The following MIDEAS variants were observed in gnomAD, a reference collection of about 807,000 sequenced individuals.
MIDEAS encodes mitotic deacetylase associated SANT domain protein, also known as mitotic deacetylase-associated SANT domain protein.
In MIDEAS, 26 loss-of-function variants were observed where a neutral mutation model predicts 102.7. That is an observed-to-expected ratio of 0.25 (90% CI 0.19 to 0.35). The LOEUF is 0.35. Among genes scored for constraint, MIDEAS ranks in the 10% least tolerant of loss-of-function variants. The pLI is 1.00. For missense variants in MIDEAS, 1,231 were observed against 1,435.6 expected (o/e 0.86, Z 2.30); for synonymous variants, 585 against 591.0 (o/e 0.99, Z 0.15).
chr14:73,725,364 T>C lies in MIDEAS; in HGVS notation c.2486-4A>G. 1 of 1,613,610 alleles carries C rather than the reference T, an allele frequency of 6.2e-7. No individual in the cohort carries two copies. Among genetic ancestry groups the C allele is most frequent in the South Asian group, 1.1e-5 (1 of 91,078 alleles). On this transcript the variant is annotated splice_region_variant and splice_polypyrimidine_tract_variant and intron_variant, in intron 8 of 12. Transcript: ENST00000423556. This position sits in a 1 kb window ranked among gnomAD's most constrained non-coding sequence, Gnocchi z 4.1. ...GCCATCTTCCACTGGTCAGAGCCTATGGGGCAAAGAGGCAGCCAGGGAGTG... is the reference window on the plus strand; with the variant it reads ...GCCATCTTCCACTGGTCAGAGCCTACGGGGCAAAGAGGCAGCCAGGGAGTG...
intron 1 of MIDEAS, among the ~76,000 whole-genome samples, chr14:73,747,163 T>C (rs552017918): frequency 6.6e-6 from 1 of 152,314 alleles, no homozygotes; most frequent in African/African-American, 2.4e-5. Context: ...CATGCTCTTA[T>C]ACCACTATCC....
intron 1 of MIDEAS, among the ~76,000 whole-genome samples, chr14:73,766,044 T>TTCCCTTCC (rs1437973631): frequency 6.6e-6 from 1 of 152,224 alleles, no homozygotes; most frequent in East Asian, 1.9e-4. Flanking sequence ...TCTACCCTGC[T>TTCCCTTCC]TCCCTTCCTC....
chr14:73,743,493 T>C (rs1329051437), intron 1 of MIDEAS, among the ~76,000 whole-genome samples: 3 of 152,144 alleles, frequency 2.0e-5, no homozygotes, highest in African/African-American at 7.2e-5. Context: ...CGGGCTCAGT[T>C]GCTGCTGGTG....
intron 10 of MIDEAS, 162 bp downstream of exon 10, chr14:73,722,533 AGAG>A (rs1342206759): frequency 3.0e-6 from 2 of 675,458 alleles, no homozygotes; most frequent in African/African-American, 1.8e-5. Context: ...AGCAGTATAG[AGAG>A]GAGAACCCAG....
chr14:73,747,573 C>T (rs774688516), intron 1 of MIDEAS, among the ~76,000 whole-genome samples: 1 of 152,130 alleles, frequency 6.6e-6, no homozygotes, highest in Non-Finnish European at 1.5e-5. Context: ...GACCCCAAAC[C>T]AGGTCTCTCT....
Position 73,719,401 on chromosome 14 carries a change from C to G in MIDEAS, c.3038G>C (p.Arg1013Pro). Residue 1013 changes from arginine to proline, a missense_variant, in exon 12 of 13, where the codon CGA becomes CCA. Transcript: ENST00000423556. Reference protein sequence around the residue: ...EKPREGTGKSRRALPFSEKKK... With the variant: ...EKPREGTGKSPRALPFSEKKK... ...CTTCTCTGAAAAAGGTAGTGCCCTT[C>G]GTGACTTCCCTGTCCCTTCCCTTGG... 6.2e-7 allele frequency: 1 copy of G among 1,614,072 alleles called. No individual in the cohort carries two copies. Among genetic ancestry groups the G allele is most frequent in the Non-Finnish European group, 8.5e-7 (1 of 1,179,986 alleles).
At chr14:73,730,154 C>G (rs2053120081) in intron 3 of MIDEAS, 169 bp from the exon 4 acceptor site, 1 of 756,290 alleles carries the variant, frequency 1.3e-6, no homozygotes. Flanking sequence ...ATCATCTCCT[C>G]TAGGGCAGAA....
intron 1 of MIDEAS, among the ~76,000 whole-genome samples, chr14:73,750,406 G>T (rs1359346997): frequency 6.6e-6 from 1 of 152,186 alleles, no homozygotes; most frequent in Non-Finnish European, 1.5e-5. Flanking sequence ...TCCAAGCACA[G>T]CATGGTCTAT....
rs568579406 is a variant in MIDEAS at position 73,758,073 on chromosome 14, C to CG, written c.-248+1689dup. Among the ~76,000 whole-genome samples, 4 of 152,192 alleles carry CG rather than the reference C, an allele frequency of 2.6e-5. No individual in the cohort carries two copies. The South Asian group carries it at 6.2e-4, about 24-fold the overall frequency. The stretch of plus-strand genomic sequence containing the variant: ...CAGGTTCTTCACCCCCTTGTCCCCC[C>CG]GGGAGCTACACGGACCAGAGTAACC... On this transcript the variant is annotated intron_variant, in intron 1 of 12. Transcript: ENST00000423556.
rs373128909 is a variant in MIDEAS at position 73,719,277 on chromosome 14, C to G, written c.3134+28G>C. ...CTCCGCGCACCAGCCCGCGGGGGTC[C>G]CAGCGGGGACAGCGCTGCCCACCTT... On this transcript the variant is annotated intron_variant, in intron 12 of 12. Transcript: ENST00000423556. 206 of 1,606,944 alleles carry G rather than the reference C, an allele frequency of 1.3e-4. No homozygotes were observed. In the African/African-American group the frequency reaches 2.5e-3, roughly 19 times the overall value.
Position 73,740,094 on chromosome 14 carries a change from T to C in MIDEAS, c.-86A>G, listed in dbSNP as rs1349380857. 8 of 1,403,494 alleles carry C rather than the reference T, an allele frequency of 5.7e-6. No individual in the cohort carries two copies. Among genetic ancestry groups the C allele is most frequent in the Non-Finnish European group, 6.5e-6 (7 of 1,079,290 alleles). 86.9% of individuals were successfully genotyped at this position (1,403,494 alleles called of 1,614,324 possible). A position where few individuals can be genotyped will look rare whatever the true frequency, so the allele number is the denominator to read the frequency against. On this transcript the variant is annotated 5_prime_UTR_variant, in exon 2 of 13. The change abolishes the stop of an existing upstream ORF in the 5' untranslated region. Transcript: ENST00000423556. Reference sequence around the variant, plus strand: ...AAACGTCCTGCTGGAAGCCGGGCTCTAGTCCAGGAGCCAGGGAGGGCAGAG... The same window carrying C: ...AAACGTCCTGCTGGAAGCCGGGCTCCAGTCCAGGAGCCAGGGAGGGCAGAG...
chr14:73,740,789 T>A (rs185370101), intron 1 of MIDEAS, among the ~76,000 whole-genome samples: 1 of 152,274 alleles, frequency 6.6e-6, no homozygotes, highest in African/African-American at 2.4e-5. Context: ...TCCAAGCACA[T>A]CTCAGGCTCG....
chr14:73,729,988 G>A lies in MIDEAS; in HGVS notation c.1750-3C>T, dbSNP rs1490012099. ...AACTTGACATTCATGTCCTCTGCCT[G>A]GAGAAGGAAAGAAAACAAGGACGGC... On this transcript the variant is annotated splice_region_variant and splice_polypyrimidine_tract_variant and intron_variant, in intron 3 of 12. Transcript: ENST00000423556. 1 of 1,603,194 alleles carries A rather than the reference G, an allele frequency of 6.2e-7. No homozygotes were observed. The highest frequency in any genetic ancestry group is 2.2e-5 in the East Asian group (1 of 44,608).
chr14:73,762,562 A>C (rs1315266559), upstream of MIDEAS, among the ~76,000 whole-genome samples: 1 of 152,228 alleles, frequency 6.6e-6, no homozygotes, highest in Non-Finnish European at 1.5e-5. Context: ...TCTACCTCAA[A>C]AAGGCGGGCA....
chr14:73,728,972 A>G (rs1193403673), intron 4 of MIDEAS: 1 of 152,304 alleles, frequency 6.6e-6, no homozygotes, highest in Non-Finnish European at 1.5e-5. Context: ...TAATTGGCCA[A>G]AGGCATCTAT....
At position 73,739,535 on chromosome 14, in the gene MIDEAS, G is replaced by A. The variant is rs2053255513; in HGVS notation, c.474C>T (p.Tyr158=). 1 of 1,614,020 alleles carries A rather than the reference G, an allele frequency of 6.2e-7. No individual in the cohort carries two copies. Among genetic ancestry groups the A allele is most frequent in the Non-Finnish European group, 8.5e-7 (1 of 1,180,008 alleles). ...SPHPGVGVPT[Y]YNHPEALKRE... ...GCTTCAGTGCCTCAGGGTGGTTATA[G>A]TAAGTCGGGACTCCCACTCCAGGAT... The change falls in exon 2 of 13, where the codon TAC becomes TAT. Residue 158 remains tyrosine (Y), a synonymous_variant. Transcript: ENST00000423556.
At chr14:73,726,996 A>G in intron 5 of MIDEAS, 24 bp from the exon 6 acceptor site, 1 of 1,570,502 alleles carries the variant, frequency 6.4e-7, no homozygotes, top group Non-Finnish European at 8.7e-7. Context: ...AAGGGCAGGA[A>G]GTGAGGCCTC....
rs192351487 is a variant in MIDEAS, at chr14:73,775,153, C to T, written c.-248+11949G>A. Among the ~76,000 whole-genome samples, 6 of 151,990 alleles carry T rather than the reference C, an allele frequency of 3.9e-5. 1 individual carries two copies. Among genetic ancestry groups the T allele is most frequent in the Admixed American group, 1.3e-4 (2 of 15,254 alleles). On this transcript the variant is annotated intron_variant, in intron 1 of 11. Coordinates refer to the MIDEAS transcript ENST00000394071. Reference sequence around the variant, plus strand: ...AGCATATAACAAGGCGAGAGAAGTGCGTCCAGGAGCAGCAAGAGGCCGGCT... The same window carrying T: ...AGCATATAACAAGGCGAGAGAAGTGTGTCCAGGAGCAGCAAGAGGCCGGCT...
In MIDEAS at chr14:73,778,195, A is replaced by C. The variant is rs139264148; in HGVS notation, c.-248+8907T>G. On this transcript the variant is annotated intron_variant, in intron 1 of 11. Transcript: ENST00000394071. ...CATAGTGCAACCCCGTTTCTACTAA[A>C]AATACAAAAATTAGCCGGGTGCGGC... Among the ~76,000 whole-genome samples the C allele has an allele frequency of 5.4e-4, 82 of 151,964 alleles. 1 individual carries two copies. Among genetic ancestry groups the C allele is most frequent in the Non-Finnish European group, 1.1e-3 (76 of 67,906 alleles).
Sources: gnomAD v4.1 joint callset for allele counts (sites outside exome capture counted in the v4.1 genomes callset) on GRCh38, gnomAD v4.1.1 for gene constraint, Gnocchi (gnomAD v3.1) non-coding constraint, MANE v1.5 for transcripts, NCBI Gene and HGNC (gene_info 2026-07-23, HGNC 2026-07-21) for gene names.